Variants in KMT2C observed in about 807,000 individuals in gnomAD.
The protein encoded by KMT2C is lysine methyltransferase 2C, also known as histone-lysine N-methyltransferase 2C.
KMT2C carries 88 observed loss-of-function variants against 507.9 expected under a neutral mutation model. That is an observed-to-expected ratio of 0.17 (90% CI 0.15 to 0.21). The LOEUF (loss-of-function observed/expected upper bound fraction) is 0.21. Among genes scored for constraint, KMT2C ranks in the 10% least tolerant of loss-of-function variants. The pLI is 1.00. For synonymous variants in KMT2C, 2,049 were observed against 2,080.8 expected (o/e 0.98, Z 0.42); for missense variants, 4,954 against 5,957.8 (o/e 0.83, Z 5.55).
rs1436014650 is a variant in KMT2C at position 152,300,313 on chromosome 7, C to T, written c.849+9653G>A. On this transcript the variant is annotated intron_variant, in intron 6 of 58. Transcript: ENST00000262189. ...TGAGAACTTGAATTTCAAGAGGGTTCCCTAACTGGTAATCATGGTTTACTA... is the reference window on the plus strand; with the variant it reads ...TGAGAACTTGAATTTCAAGAGGGTTTCCTAACTGGTAATCATGGTTTACTA... 1.2e-4 allele frequency among the ~76,000 whole-genome samples: 18 copies of T among 152,286 alleles called. No homozygotes were observed. In the South Asian group the frequency reaches 3.1e-3, roughly 26 times the overall value.
chr7:152,406,933 G>GAGAAGACAGCTGAAGGGGGCTGCTGT (rs377681561), intron 1 of KMT2C, among the ~76,000 whole-genome samples: 1 of 151,034 alleles, frequency 6.6e-6, no homozygotes, highest in African/African-American at 2.4e-5. Flanking sequence ...TCTTGGGAAG[G>GAGAAGACAGCTGAAGGGGGCTGCTGT]AGTATTAAGG....
chr7:152,171,974 C>T (rs2092982159), intron 39 of KMT2C, among the ~76,000 whole-genome samples: 1 of 152,180 alleles, frequency 6.6e-6, no homozygotes, highest in South Asian at 2.1e-4. Context: ...ACTATAAAAA[C>T]TTCACAGAAG....
At chr7:152,297,044 A>AGAAAGAAAGAAAGAACGAAC (rs2096512914) in intron 6 of KMT2C, among the ~76,000 whole-genome samples, 2 of 100,586 alleles carry the variant, frequency 2.0e-5, no homozygotes, top group African/African-American at 9.7e-5. Flanking sequence ...AAAGAAAGAA[A>AGAAAGAAAGAAAGAACGAAC]GAAAGAAAGA....
chr7:152,317,669 C>T (rs145723035), intron 3 of KMT2C, among the ~76,000 whole-genome samples: 345 of 152,246 alleles, frequency 2.3e-3, no homozygotes, highest in Middle Eastern at 0.01. Flanking sequence ...GAATTCTAAC[C>T]CACACAAAGG....
At chr7:152,202,625 TA>T (rs1226225293) in intron 26 of KMT2C, among the ~76,000 whole-genome samples, 1 of 152,200 alleles carries the variant, frequency 6.6e-6, no homozygotes, top group Non-Finnish European at 1.5e-5. Context: ...GTGTGGGGTA[TA>T]CATAGCTATC....
In KMT2C at chr7:152,287,046, C is replaced by T. The variant is rs1165612594; in HGVS notation, c.850-13179G>A. ...GTCAGCCATTCCCCACTCCTGCCCA[C>T]GGACAACATGATACCACAGCAGGCC... On this transcript the variant is annotated intron_variant, in intron 6 of 58. Transcript: ENST00000262189. Among the ~76,000 whole-genome samples the T allele has an allele frequency of 2.6e-5, 4 of 152,180 alleles. No homozygotes were observed. In the East Asian group the frequency reaches 5.8e-4, roughly 22 times the overall value.
At chr7:152,183,199 A>C in intron 34 of KMT2C, 43 bp from the exon 35 acceptor site, 1 of 1,424,634 alleles carries the variant, frequency 7.0e-7, no homozygotes, top group South Asian at 1.4e-5. Flanking sequence ...ATTATGTTAA[A>C]TGTTTTAAGG....
chr7:152,307,308 A>AG (rs2096629336), intron 6 of KMT2C, among the ~76,000 whole-genome samples: 1 of 128,920 alleles, frequency 7.8e-6, no homozygotes, highest in Non-Finnish European at 1.6e-5. Flanking sequence ...GAAGGAAGGA[A>AG]GACGAAGGAC....
chr7:152,140,969 G>GTGA (rs2090464952), intron 55 of KMT2C, among the ~76,000 whole-genome samples: 1 of 152,226 alleles, frequency 6.6e-6, no homozygotes, highest in Admixed American at 6.5e-5. Context: ...GCCAGGCGTG[G>GTGA]TGACTCATGC....
chr7:152,252,434 C>T, intron 10 of KMT2C, 112 bp downstream of exon 10: 2 of 813,090 alleles, frequency 2.5e-6, no homozygotes, highest in Non-Finnish European at 2.0e-6. Context: ...GCAATCAGTA[C>T]TGATGGAATT....
intron 9 of KMT2C, among the ~76,000 whole-genome samples, chr7:152,257,110 A>G (rs562480138): frequency 6.6e-6 from 1 of 152,362 alleles, no homozygotes; most frequent in Admixed American, 6.5e-5. Context: ...CTGAAATACC[A>G]AAGCACAGGC....
chr7:152,388,415 C>T (rs1322206601), intron 1 of KMT2C, among the ~76,000 whole-genome samples: 20 of 152,000 alleles, frequency 1.3e-4, no homozygotes, highest in South Asian at 4.2e-4. Flanking sequence ...AAAAATTAGC[C>T]GGGCATGGTG....
chr7:152,293,606 G>T (rs1232636202), intron 6 of KMT2C, among the ~76,000 whole-genome samples: 1 of 151,884 alleles, frequency 6.6e-6, no homozygotes, highest in Non-Finnish European at 1.5e-5. Context: ...TACATTCAAG[G>T]GGTCCTTTAC....
intron 55 of KMT2C, among the ~76,000 whole-genome samples, chr7:152,143,639 A>G (rs908164413): frequency 5.9e-5 from 9 of 152,334 alleles, no homozygotes; most frequent in African/African-American, 1.7e-4. Flanking sequence ...TGAATACAAA[A>G]CACATTTCTC....
intron 39 of KMT2C, among the ~76,000 whole-genome samples, 165 bp downstream of exon 39, chr7:152,173,966 T>C (rs962733296): frequency 1.3e-5 from 2 of 152,270 alleles, no homozygotes; most frequent in Admixed American, 1.3e-4. Flanking sequence ...TAAATTGGTA[T>C]AGCATTTTGT....
intron 9 of KMT2C, among the ~76,000 whole-genome samples, chr7:152,253,514 CAAAAAAAAAAAA>C (rs71198770): frequency 0.025 from 987 of 39,554 alleles, 18 homozygotes; most frequent in African/African-American, 0.072. Flanking sequence ...TCTTTCTCTA[CAAAAAAAAAAAA>C]AAAAAAAAAA....
At chr7:152,201,577 G>A (rs1230795616) in intron 26 of KMT2C, among the ~76,000 whole-genome samples, 2 of 142,194 alleles carry the variant, frequency 1.4e-5, no homozygotes, top group African/African-American at 5.3e-5. Context: ...TATTAAGAAG[G>A]GAGGTAAAGG....
rs2089842482 is a variant in KMT2C at position 152,135,962 on chromosome 7, G to A, written c.*870C>T. 2.6e-5 allele frequency: 6 copies of A among 227,348 alleles called. No individual in the cohort carries two copies. In the East Asian group the frequency reaches 3.8e-4, roughly 15 times the overall value. 14.1% of individuals were successfully genotyped at this position (227,348 alleles called of 1,614,324 possible). A position where few individuals can be genotyped will look rare whatever the true frequency, so the allele number is the denominator to read the frequency against. Reference sequence around the variant, plus strand: ...ATATTTTATAACACAAAATTATATTGTAACATCCCTATGAACATTTTATAA... The same window carrying A: ...ATATTTTATAACACAAAATTATATTATAACATCCCTATGAACATTTTATAA... On this transcript the variant is annotated 3_prime_UTR_variant, in exon 59 of 59. Coordinates refer to ENST00000262189, the MANE Select transcript of KMT2C (RefSeq NM_170606.3).
intron 6 of KMT2C, among the ~76,000 whole-genome samples, chr7:152,295,754 T>C (rs1340998735): frequency 6.6e-6 from 1 of 152,120 alleles, no homozygotes; most frequent in Non-Finnish European, 1.5e-5. Context: ...TCAACTTCTT[T>C]ATCAGTTATT....
Sources: allele counts gnomAD v4.1 joint callset (sites outside exome capture counted in the v4.1 genomes callset), GRCh38; gene constraint gnomAD v4.1.1; transcripts MANE v1.5; gene names NCBI Gene and HGNC (gene_info 2026-07-23, HGNC 2026-07-21).